Variants in BMPR1B observed in about 807,000 individuals in gnomAD.
The protein encoded by BMPR1B is bone morphogenetic protein receptor type 1B.
A neutral mutation model predicts 59.1 loss-of-function variants in BMPR1B; 12 were observed. The ratio of observed to expected loss-of-function variants is 0.20; its 90% CI spans 0.13 to 0.33. The LOEUF (loss-of-function observed/expected upper bound fraction) is 0.33. Among genes scored for constraint, BMPR1B ranks in the 10% least tolerant of loss-of-function variants. The pLI, the probability that BMPR1B is intolerant of heterozygous loss-of-function variation, is 1.00. For missense variants in BMPR1B, 550 were observed against 610.9 expected, an observed-to-expected ratio of 0.90 and a Z score of 1.05; for synonymous variants, 237 against 207.3, an observed-to-expected ratio of 1.14 and a Z score of -1.23.
intron 2 of BMPR1B, among the ~76,000 whole-genome samples, chr4:94,900,234 C>T (rs1367212215): frequency 6.6e-6 from 1 of 150,690 alleles, no homozygotes; most frequent in African/African-American, 2.4e-5. Context: ...AAATCTGCTT[C>T]AGTGCTGGCT....
intron 2 of BMPR1B, among the ~76,000 whole-genome samples, chr4:94,986,687 C>T (rs1721425546): frequency 6.6e-6 from 1 of 150,468 alleles, no homozygotes; most frequent in African/African-American, 2.5e-5. Context: ...TCATTTTTTA[C>T]AAAGATTAGT....
chr4:94,897,772 T>A (rs1727641161), intron 2 of BMPR1B, among the ~76,000 whole-genome samples: 1 of 151,922 alleles, frequency 6.6e-6, no homozygotes, highest in Admixed American at 6.6e-5. Context: ...TTTAGATTGT[T>A]TCTAGTTTTT....
chr4:95,007,079 CATGTT>C (rs1446445574), intron 3 of BMPR1B, among the ~76,000 whole-genome samples: 2 of 152,046 alleles, frequency 1.3e-5, no homozygotes, highest in African/African-American at 4.8e-5. Context: ...ATATTATTCT[CATGTT>C]ATTTTATATT....
Position 95,115,785 on chromosome 4 carries a change from G to C in BMPR1B, c.347G>C (p.Arg116Thr). 4 of 1,608,024 alleles carry C rather than the reference G, an allele frequency of 2.5e-6. No individual in the cohort carries two copies. Among genetic ancestry groups the C allele is most frequent in the Non-Finnish European group, 2.6e-6 (3 of 1,174,904 alleles). The change falls in exon 6 of 13, where the codon AGA becomes ACA. Residue 116 changes from arginine to threonine, a missense_variant and splice_region_variant. Around this residue, in one of 6 missense-constraint regions of BMPR1B, gnomAD observed 20 missense variants for 39.9 expected, o/e 0.50. Coordinates refer to ENST00000515059, the MANE Select transcript of BMPR1B (RefSeq NM_001203.3). ...LHPTLPPLKNRDFVDGPIHHR... is the reference protein window; with the variant it reads ...LHPTLPPLKNTDFVDGPIHHR... ...CCTACACTGCCTCCATTGAAAAACA[G>C]AGGTAAGTGAGGAAGGCTTCCAGCC...
chr4:94,793,530 C>T (rs1228329122), intron 1 of BMPR1B, among the ~76,000 whole-genome samples: 3 of 150,256 alleles, frequency 2.0e-5, no homozygotes, highest in Non-Finnish European at 4.4e-5. Flanking sequence ...TGGGTATATA[C>T]CCAGTAATGG....
chr4:94,923,639 C>T (rs973226763), intron 2 of BMPR1B, among the ~76,000 whole-genome samples: 1 of 151,938 alleles, frequency 6.6e-6, no homozygotes, highest in Non-Finnish European at 1.5e-5. Flanking sequence ...TCTTTTTAGC[C>T]CCAAAGCTTT....
intron 2 of BMPR1B, among the ~76,000 whole-genome samples, chr4:94,883,121 C>T (rs577760605): frequency 7.2e-4 from 109 of 152,088 alleles, no homozygotes; most frequent in African/African-American, 2.6e-3. Context: ...AAATAGACTT[C>T]GAAAAGTGAC....
rs1730181393 is a variant in BMPR1B at position 94,957,343 on chromosome 4, T to G, written c.-112-38697T>G. 2.1e-5 allele frequency among the ~76,000 whole-genome samples: 3 copies of G among 142,766 alleles called. No individual in the cohort carries two copies. The South Asian group carries it at 6.4e-4, about 30-fold the overall frequency. 93.7% of individuals were successfully genotyped at this position (142,766 alleles called of 152,430 possible). A position where few individuals can be genotyped will look rare whatever the true frequency, so the allele number is the denominator to read the frequency against. ...CACCTCCTGTTTCGTGTTTTTTTTTTTTTTTTTTTTTTTTTTTCCTTTTGC... is the reference window on the plus strand; with the variant it reads ...CACCTCCTGTTTCGTGTTTTTTTTTGTTTTTTTTTTTTTTTTTCCTTTTGC... On this transcript the variant is annotated intron_variant, in intron 2 of 12. Coordinates refer to ENST00000515059, the MANE Select transcript of BMPR1B (RefSeq NM_001203.3).
chr4:94,843,667 T>G (rs1239050409), intron 1 of BMPR1B, among the ~76,000 whole-genome samples: 1 of 91,758 alleles, frequency 1.1e-5, no homozygotes, highest in Non-Finnish European at 2.2e-5. Context: ...CAATGACAAA[T>G]TAAATTTGAA....
chr4:95,011,766 C>T (rs1177023212), intron 3 of BMPR1B, among the ~76,000 whole-genome samples: 2 of 152,060 alleles, frequency 1.3e-5, no homozygotes, highest in Admixed American at 1.3e-4. Flanking sequence ...CGGCTGTAAT[C>T]CCAGTACTTT....
intron 3 of BMPR1B, among the ~76,000 whole-genome samples, chr4:95,083,825 A>G (rs748326647): frequency 3.2e-4 from 49 of 152,212 alleles, no homozygotes; most frequent in Non-Finnish European, 6.5e-4. Flanking sequence ...ACTAAGTAGA[A>G]TGAAAAACAT....
In BMPR1B at chr4:94,993,525, C is replaced by T. The variant is rs181176345; in HGVS notation, c.-112-2515C>T. 2.6e-3 allele frequency among the ~76,000 whole-genome samples: 396 copies of T among 151,898 alleles called. 3 individuals carry two copies. The highest frequency in any genetic ancestry group is 5.9e-4 in the Non-Finnish European group (40 of 67,958). On this transcript the variant is annotated intron_variant, in intron 2 of 12. Coordinates refer to ENST00000515059, the MANE Select transcript of BMPR1B (RefSeq NM_001203.3). ...TTGTAATCCCAGCACTTTGGGAGGC[C>T]GAGGTGAGCAGATTACCTAAAGTCA...
chr4:95,007,766 C>T (rs1264082939), intron 3 of BMPR1B, among the ~76,000 whole-genome samples: 1 of 152,036 alleles, frequency 6.6e-6, no homozygotes, highest in African/African-American at 2.4e-5. Flanking sequence ...GTGTTTTGGC[C>T]TTGCCAGAAT....
At chr4:95,020,001 G>A (rs1175581253) in intron 3 of BMPR1B, among the ~76,000 whole-genome samples, 1 of 152,130 alleles carries the variant, frequency 6.6e-6, no homozygotes, top group African/African-American at 2.4e-5. Flanking sequence ...AAGCTTGGGT[G>A]TTATGCACCT....
At chr4:94,862,707 A>G (rs185253112) in intron 1 of BMPR1B, among the ~76,000 whole-genome samples, 2,700 of 151,754 alleles carry the variant, frequency 0.018, 71 homozygotes, top group African/African-American at 0.062. Flanking sequence ...GCACTTTGGC[A>G]GGCCGAGACG....
intron 3 of BMPR1B, among the ~76,000 whole-genome samples, chr4:95,000,227 G>C (rs1245533794): frequency 9.5e-6 from 1 of 105,310 alleles, no homozygotes; most frequent in East Asian, 2.7e-4. Flanking sequence ...TGACTCTTCT[G>C]TTTGTTTAAC....
intron 1 of BMPR1B, among the ~76,000 whole-genome samples, chr4:94,872,814 CT>C (rs1472275027): frequency 6.6e-6 from 1 of 152,176 alleles, no homozygotes; most frequent in African/African-American, 2.4e-5. Flanking sequence ...TTACATAATG[CT>C]TTCTGTGAGT....
chr4:94,944,946 A>G (rs1193606432), intron 2 of BMPR1B, among the ~76,000 whole-genome samples: 1 of 152,204 alleles, frequency 6.6e-6, no homozygotes, highest in Non-Finnish European at 1.5e-5. Context: ...GCTTTACATT[A>G]TAAACCATAA....
At chr4:94,924,322 CT>C (rs920015496) in intron 2 of BMPR1B, among the ~76,000 whole-genome samples, 5 of 152,006 alleles carry the variant, frequency 3.3e-5, no homozygotes, top group Non-Finnish European at 7.4e-5. Flanking sequence ...AAGATACTAA[CT>C]TTTTTGCATT....
Sources: allele counts gnomAD v4.1 joint callset (sites outside exome capture counted in the v4.1 genomes callset), GRCh38; gene constraint gnomAD v4.1.1; regional missense constraint gnomAD v4.1.1; transcripts MANE v1.5; gene names NCBI Gene and HGNC (gene_info 2026-07-23, HGNC 2026-07-21).